Variants in JAK3 observed in about 807,000 individuals in gnomAD.
JAK3 encodes the protein Janus kinase 3.
A neutral mutation model predicts 120.8 loss-of-function variants in JAK3; 88 were observed. That is an observed-to-expected ratio of 0.73 (90% CI 0.61 to 0.87). The LOEUF (loss-of-function observed/expected upper bound fraction) is 0.87, where lower values mean the gene tolerates loss of function less well. JAK3 is among the 40% of genes least tolerant of loss of function. The pLI is 0.00. For missense variants in JAK3, 1,254 were observed against 1,501.4 expected (o/e 0.84, Z 2.72); for synonymous variants, 592 against 628.6 (o/e 0.94, Z 0.87).
At position 17,826,642 on chromosome 19, in the gene JAK3, G is replaced by A. The variant is rs924227986; in HGVS notation, c.*101C>T. On this transcript the variant is annotated 3_prime_UTR_variant, in exon 24 of 24. Coordinates refer to ENST00000458235, the MANE Select transcript of JAK3 (RefSeq NM_000215.4). ...GTCATGGGGGTGTTCCTGAAGTAGA[G>A]GACCCTCATAAGGCCTCTGAGGCCC... The A allele has an allele frequency of 1.1e-5, 14 of 1,278,506 alleles. No individual in the cohort carries two copies. The African/African-American group carries it at 1.9e-4, about 17-fold the overall frequency. 79.2% of individuals were successfully genotyped at this position (1,278,506 alleles called of 1,614,324 possible).
At position 17,844,891 on chromosome 19, in the gene JAK3, C is replaced by T. The variant is rs1045136869; in HGVS notation, c.-13-461G>A. Among the ~76,000 whole-genome samples the T allele has an allele frequency of 9.9e-5, 15 of 152,172 alleles. 1 individual carries two copies. Among genetic ancestry groups the T allele is most frequent in the African/African-American group, 2.6e-4 (11 of 41,534 alleles). ...GAAACTGGCCCCCTGCTTCCAGCCC[C>T]CAACACCTCCCACCCGCTCGCTCAC... On this transcript the variant is annotated intron_variant, in intron 1 of 23. Coordinates refer to ENST00000458235, the MANE Select transcript of JAK3 (RefSeq NM_000215.4).
At position 17,830,380 on chromosome 19, in the gene JAK3, G is replaced by GCCTATGATGCTGGGA. The variant is rs2094211609; in HGVS notation, c.3096+108_3096+122dup. On this transcript the variant is annotated intron_variant, in intron 22 of 23. Transcript: ENST00000458235. ...GTGAGGAAGCGTCCTCCCCACTGGG[G>GCCTATGATGCTGGGA]CCTATGATGCTGGGACCAGGTGACC... The GCCTATGATGCTGGGA allele has an allele frequency of 2.1e-5, 20 of 934,344 alleles. No individual in the cohort carries two copies. The South Asian group carries it at 2.7e-4, about 13-fold the overall frequency. The allele number at this position is 934,344 out of a possible 1,614,324, so 57.9% of individuals were successfully genotyped here.
rs549294103 is a variant in JAK3, at chr19:17,841,052, A to G, written c.1142+337T>C. ...GACTTGTCTCCAACTCCTGAGTTCA[A>G]ACAATCCTCCTGCCTTGGCCCCTCA... On this transcript the variant is annotated intron_variant, in intron 8 of 23. Coordinates refer to ENST00000458235, the MANE Select transcript of JAK3 (RefSeq NM_000215.4). The surrounding 1 kb of genome is among the most constrained non-coding windows in gnomAD (Gnocchi z 4.1). Among the ~76,000 whole-genome samples the G allele has an allele frequency of 1.2e-4, 18 of 152,038 alleles. No individual in the cohort carries two copies. Among genetic ancestry groups the G allele is most frequent in the Non-Finnish European group, 2.2e-4 (15 of 67,968 alleles).
At chr19:17,835,755 A>T (rs1402864416) in intron 14 of JAK3, among the ~76,000 whole-genome samples, 169 bp downstream of exon 14, 1 of 152,170 alleles carries the variant, frequency 6.6e-6, no homozygotes, top group East Asian at 1.9e-4. Context: ...CTGACATCCA[A>T]GAATGACTTG....
At chr19:17,838,597 G>A (rs2094230150) in intron 10 of JAK3, among the ~76,000 whole-genome samples, 1 of 152,040 alleles carries the variant, frequency 6.6e-6, no homozygotes. Context: ...CAGGCTGGGT[G>A]GGCAGTGGTG....
At position 17,838,247 on chromosome 19, in the gene JAK3, TCCCAGGGCCTCTTA is replaced by T. The variant is rs2094229096; in HGVS notation, c.1569+2_1569+15del. On this transcript the variant is annotated splice_donor_variant and splice_donor_5th_base_variant and intron_variant, in intron 11 of 23. Coordinates refer to ENST00000458235, the MANE Select transcript of JAK3 (RefSeq NM_000215.4). LOFTEE classifies it high-confidence loss of function. The stretch of plus-strand genomic sequence containing the variant: ...CCCCAGACTGAGGTATCGCCTCATT[TCCCAGGGCCTCTTA>T]CCCACTCCAGGCTGTCAGCAGGGAT... 1 of 1,613,878 alleles carries T rather than the reference TCCCAGGGCCTCTTA, an allele frequency of 6.2e-7. No homozygotes were observed. Among genetic ancestry groups the T allele is most frequent in the Non-Finnish European group, 8.5e-7 (1 of 1,180,020 alleles).
At chr19:17,826,971 A>C in intron 23 of JAK3, 61 bp from the exon 24 acceptor site, 1 of 1,555,412 alleles carries the variant, frequency 6.4e-7, no homozygotes, top group Non-Finnish European at 8.7e-7. Flanking sequence ...CACAACTCCC[A>C]TTCAGCGTAT....
intron 12 of JAK3, 61 bp from the exon 13 acceptor site, chr19:17,837,274 T>G: frequency 7.2e-7 from 1 of 1,394,224 alleles, no homozygotes; most frequent in Non-Finnish European, 1.0e-6. Context: ...TAATCCCAAA[T>G]TTTGTGCTCA....
chr19:17,847,771 C>T (rs1022101426), intron 1 of JAK3, among the ~76,000 whole-genome samples, 175 bp downstream of exon 1: 1 of 152,192 alleles, frequency 6.6e-6, no homozygotes, highest in Non-Finnish European at 1.5e-5. Flanking sequence ...CCCAGAGAAG[C>T]GAGCGATCGG....
chr19:17,829,654 A>C (rs2094210040), intron 23 of JAK3: 1 of 222,426 alleles, frequency 4.5e-6, no homozygotes, highest in Non-Finnish European at 8.9e-6. Context: ...CTGCTACTAG[A>C]GACACTGAAC....
In JAK3 at chr19:17,843,268, C is replaced by T. The variant is rs2094244521; in HGVS notation, c.421-96G>A. On this transcript the variant is annotated intron_variant, in intron 4 of 23. Coordinates refer to ENST00000458235, the MANE Select transcript of JAK3 (RefSeq NM_000215.4). This position sits in a 1 kb window ranked among gnomAD's most constrained non-coding sequence, Gnocchi z 5.4. ...CCCCCAATCCTGGGCTGACCCCCAC[C>T]CCTGGACTGCCACAGGGAGGGTCAG... The T allele has an allele frequency of 1.3e-6, 2 of 1,539,148 alleles. No individual in the cohort carries two copies. The highest frequency in any genetic ancestry group is 3.9e-5 in the Admixed American group (2 of 51,114).
At position 17,826,869 on chromosome 19, in the gene JAK3, C is replaced by T. The variant is rs1568399430; in HGVS notation, c.3249G>A (p.Gln1083=). 6 of 1,613,316 alleles carry T rather than the reference C, an allele frequency of 3.7e-6. No homozygotes were observed. The East Asian group carries it at 1.3e-4, about 36-fold the overall frequency. The change falls in exon 24 of 24, where the codon CAG becomes CAA. Residue 1083 remains glutamine (Q), a synonymous_variant. Transcript: ENST00000458235. ...LMKLCWAPSP[Q]DRPSFSALGP... is the part of the protein sequence containing the mutation. The stretch of plus-strand genomic sequence containing the variant: ...CCAGGGCGCTGAATGATGGCCGGTC[C>T]TGTGGGCTAGGGGCCCAGCACAGCT...
At position 17,843,161 on chromosome 19, in the gene JAK3, G is replaced by C; in HGVS notation, c.432C>G (p.Asp144Glu). ...CCACGGGGAGGCGCCCACTCACCAGGTCACTGCGGTGCTGGGGGGCCGCCA... is the reference window on the plus strand; with the variant it reads ...CCACGGGGAGGCGCCCACTCACCAGCTCACTGCGGTGCTGGGGGGCCGCCA... The part of the protein sequence containing the change: ...LEHLFAQHRS[D>E]LVSGRLPVGL... The change falls in exon 5 of 24, where the codon GAC (aspartate) becomes GAG (glutamate). Residue 144 changes from aspartate to glutamate, a missense_variant. Physicochemically the swap from Asp to Glu is conservative, Grantham distance 45. Coordinates refer to ENST00000458235, the MANE Select transcript of JAK3 (RefSeq NM_000215.4). The surrounding 1 kb of genome is among the most constrained non-coding windows in gnomAD (Gnocchi z 5.4). 6.2e-7 allele frequency: 1 copy of C among 1,605,532 alleles called. No homozygotes were observed. The highest frequency in any genetic ancestry group is 8.5e-7 in the Non-Finnish European group (1 of 1,178,856).
At position 17,842,685 on chromosome 19, in the gene JAK3, GCT is replaced by G. The variant is rs769592106; in HGVS notation, c.567-77_567-76del. ...CCCGCGGGGACACACACAAACCCAG[GCT>G]TTAGCCCAGGGGCTGGGGTGCGGCC... On this transcript the variant is annotated intron_variant, in intron 5 of 23. Coordinates refer to ENST00000458235, the MANE Select transcript of JAK3 (RefSeq NM_000215.4). The surrounding 1 kb of genome is among the most constrained non-coding windows in gnomAD (Gnocchi z 6.4). The G allele has an allele frequency of 2.5e-5, 35 of 1,422,554 alleles. No homozygotes were observed. The highest frequency in any genetic ancestry group is 3.2e-5 in the Non-Finnish European group (34 of 1,067,438). 88.1% of individuals were successfully genotyped at this position (1,422,554 alleles called of 1,614,324 possible).
chr19:17,831,917 G>A lies in JAK3; in HGVS notation c.2681-119C>T, dbSNP rs1441785469. The A allele has an allele frequency of 1.6e-6, 2 of 1,235,412 alleles. No homozygotes were observed. Among genetic ancestry groups the A allele is most frequent in the Non-Finnish European group, 2.3e-6 (2 of 855,538 alleles). The allele number at this position is 1,235,412 out of a possible 1,614,324, so 76.5% of individuals were successfully genotyped here. A position where few individuals can be genotyped will look rare whatever the true frequency, so the allele number is the denominator to read the frequency against. On this transcript the variant is annotated intron_variant, in intron 19 of 23. Transcript: ENST00000458235. The surrounding 1 kb of genome is among the most constrained non-coding windows in gnomAD (Gnocchi z 5.1). ...CCTCAGTTTTGCTGACTGTAATATG[G>A]GAACCGCAACAATGACACATTGCTA...
rs201426089 is a variant in JAK3, at chr19:17,826,567, C to T, written c.*176G>A. 4.7e-5 allele frequency: 33 copies of T among 702,816 alleles called. No homozygotes were observed. The African/African-American group carries it at 5.3e-4, about 11-fold the overall frequency. 43.5% of individuals were successfully genotyped at this position (702,816 alleles called of 1,614,324 possible). On this transcript the variant is annotated 3_prime_UTR_variant, in exon 24 of 24. Transcript: ENST00000458235. ...ATCTGTCTTGAACCTTAACAAATTG[C>T]AAAGGCCACAGGCTATTCTACAGGC...
rs1200502121 is a variant in JAK3, at chr19:17,825,432, C to T, written c.*1311G>A. The T allele has an allele frequency of 9.2e-6, 2 of 217,898 alleles. No homozygotes were observed. Among genetic ancestry groups the T allele is most frequent in the Non-Finnish European group, 1.8e-5 (2 of 108,458 alleles). The allele number at this position is 217,898 out of a possible 1,614,324, so 13.5% of individuals were successfully genotyped here. ...AGGTGGGAAAACTGAAGCCCTAGGA[C>T]ACTCAGATACCATTAGGGTGGACTG... On this transcript the variant is annotated 3_prime_UTR_variant, in exon 24 of 24. Transcript: ENST00000458235.
In JAK3 at chr19:17,837,180, C is replaced by G. The variant is rs200093529; in HGVS notation, c.1735G>C (p.Val579Leu). 4 of 1,573,506 alleles carry G rather than the reference C, an allele frequency of 2.5e-6. No homozygotes were observed. The highest frequency in any genetic ancestry group is 3.5e-6 in the Non-Finnish European group (4 of 1,159,266). ...FLEAASLMSQ[V>L]SYRHLVLLHG... ...AGCAGCACGAGATGCCGGTACGACACTTGGCTCATCAAGCTCGCTGCTTCC... is the reference window on the plus strand; with the variant it reads ...AGCAGCACGAGATGCCGGTACGACAGTTGGCTCATCAAGCTCGCTGCTTCC... The change falls in exon 13 of 24, where the codon GTG (valine) becomes CTG (leucine). Residue 579 changes from valine (V) to leucine (L), a missense_variant. Val to Leu is a conservative substitution (Grantham distance 32). Around this residue, in one of 3 missense-constraint regions of JAK3, gnomAD observed 630 missense variants for 819.8 expected, o/e 0.77. Transcript: ENST00000458235.
In JAK3 at chr19:17,843,202, G is replaced by A. The variant is rs376686706; in HGVS notation, c.421-30C>T. The A allele has an allele frequency of 3.8e-6, 6 of 1,593,472 alleles. No individual in the cohort carries two copies. The Admixed American group carries it at 6.9e-5, about 18-fold the overall frequency. On this transcript the variant is annotated intron_variant, in intron 4 of 23. Transcript: ENST00000458235. This position sits in a 1 kb window ranked among gnomAD's most constrained non-coding sequence, Gnocchi z 5.4. ...GGGGCCGCCACAGGGAGCATCAGCT[G>A]AGGCCACCCAACTTCAAGCCCTGTT... is the stretch of plus-strand genomic sequence containing the variant.
Sources: allele counts gnomAD v4.1 joint callset (sites outside exome capture counted in the v4.1 genomes callset), GRCh38; gene constraint gnomAD v4.1.1; regional missense constraint gnomAD v4.1.1; non-coding constraint Gnocchi (gnomAD v3.1); transcripts MANE v1.5; gene names NCBI Gene and HGNC (gene_info 2026-07-23, HGNC 2026-07-21).